ZNF333: variants seen among roughly 807,000 people sequenced by gnomAD.
ZNF333 encodes zinc finger protein 333.
A neutral mutation model predicts 76.1 loss-of-function variants in ZNF333; 61 were observed. That is an observed-to-expected ratio of 0.80 (90% confidence interval 0.65 to 0.99). ZNF333 has a LOEUF of 0.99. Ranked by LOEUF, ZNF333 falls within the 50% of genes least tolerant of loss-of-function variation. ZNF333 has a pLI of 0.00. For synonymous variants in ZNF333, 284 were observed against 305.0 expected (o/e 0.93, Z 0.72); for missense variants, 717 against 822.4 (o/e 0.87, Z 1.57).
Position 14,718,337 on chromosome 19 carries a change from C to G in ZNF333, c.1010C>G (p.Ser337Cys). 1 of 1,614,204 alleles carries G rather than the reference C, an allele frequency of 6.2e-7. No homozygotes were observed. Among genetic ancestry groups the G allele is most frequent in the African/African-American group, 1.3e-5 (1 of 75,048 alleles). The part of the protein sequence containing the change: ...QYQRIHAGEA[S>C]CECQEIRNSF... Reference sequence around the variant, plus strand: ...CAGAGAATTCATGCTGGAGAGGCATCCTGTGAATGTCAAGAGATTAGAAAT... The same window carrying G: ...CAGAGAATTCATGCTGGAGAGGCATGCTGTGAATGTCAAGAGATTAGAAAT... The change falls in exon 12 of 12, where the codon TCC becomes TGC. Residue 337 changes from serine to cysteine, a missense_variant. Ser to Cys is a moderately radical substitution (Grantham distance 112, BLOSUM62 -1). Coordinates refer to ENST00000292530, the MANE Select transcript of ZNF333 (RefSeq NM_032433.4).
intron 5 of ZNF333, among the ~76,000 whole-genome samples, chr19:14,701,293 C>G (rs1028202561): frequency 6.6e-6 from 1 of 152,156 alleles, no homozygotes; most frequent in Non-Finnish European, 1.5e-5. Context: ...CAGGAGTGCA[C>G]TGGCACGATC....
chr19:14,719,266 A>T lies in ZNF333; in HGVS notation c.1939A>T (p.Arg647Trp). 2 of 1,614,236 alleles carry T rather than the reference A, an allele frequency of 1.2e-6. No individual in the cohort carries two copies. The highest frequency in any genetic ancestry group is 3.3e-5 in the Admixed American group (2 of 60,030). The change falls in exon 12 of 12, where the codon AGG (arginine) becomes TGG (tryptophan). Residue 647 changes from arginine to tryptophan, a missense_variant. Arg to Trp is a moderately radical substitution (Grantham distance 101, BLOSUM62 -3). Coordinates refer to ENST00000292530, the MANE Select transcript of ZNF333 (RefSeq NM_032433.4). ...KRTHVGRETIRNGSLPLSMSH... is the reference protein window; with the variant it reads ...KRTHVGRETIWNGSLPLSMSH... The stretch of plus-strand genomic sequence containing the variant: ...AACCCATGTGGGAAGAGAGACCATT[A>T]GGAATGGCAGCCTGCCTTTATCCAT...
chr19:14,697,357 CTTTTTTTTTT>C (rs139125023), intron 4 of ZNF333, among the ~76,000 whole-genome samples: 12 of 90,812 alleles, frequency 1.3e-4, no homozygotes, highest in Middle Eastern at 9.4e-3. Flanking sequence ...TTTTTCTTTT[CTTTTTTTTTT>C]TTTTTTTTTT....
At chr19:14,722,090 T>C (rs2042596258), downstream of ZNF333, among the ~76,000 whole-genome samples, 1 of 152,218 alleles carries the variant, frequency 6.6e-6, no homozygotes, top group Non-Finnish European at 1.5e-5. Context: ...TGGCAACATG[T>C]GGTACTGTCA....
At chr19:14,695,996 T>C (rs1973157281) in intron 4 of ZNF333, among the ~76,000 whole-genome samples, 1 of 152,116 alleles carries the variant, frequency 6.6e-6, no homozygotes, top group Non-Finnish European at 1.5e-5. Flanking sequence ...CTGGCCAACA[T>C]GGCAAAACCC....
intron 7 of ZNF333, among the ~76,000 whole-genome samples, chr19:14,710,257 A>G (rs1223965757): frequency 6.6e-6 from 1 of 152,078 alleles, no homozygotes; most frequent in African/African-American, 2.4e-5. Context: ...ACAGAACCGC[A>G]CCCCCCAGCC....
rs1484683775 is a variant in ZNF333, at chr19:14,719,622, A to G, written c.*297A>G. The G allele has an allele frequency of 1.3e-5, 15 of 1,128,286 alleles. No homozygotes were observed. Among genetic ancestry groups the G allele is most frequent in the Non-Finnish European group, 1.6e-5 (15 of 919,100 alleles). The allele number at this position is 1,128,286 out of a possible 1,614,324, so 69.9% of individuals were successfully genotyped here. On this transcript the variant is annotated 3_prime_UTR_variant, in exon 12 of 12. Coordinates refer to ENST00000292530, the MANE Select transcript of ZNF333 (RefSeq NM_032433.4). Reference sequence around the variant, plus strand: ...CATACATGCATGTAACCACCACCCCATTCCAGATATAGAATGTTTCTATCT... The same window carrying G: ...CATACATGCATGTAACCACCACCCCGTTCCAGATATAGAATGTTTCTATCT...
chr19:14,693,536 G>A, intron 2 of ZNF333, 42 bp downstream of exon 2: 3 of 1,594,510 alleles, frequency 1.9e-6, no homozygotes, highest in South Asian at 1.1e-5. Flanking sequence ...GGGTGGATAT[G>A]TAGGATAACT....
intron 1 of ZNF333, among the ~76,000 whole-genome samples, chr19:14,692,576 G>C (rs558078491): frequency 1.3e-5 from 2 of 152,162 alleles, no homozygotes; most frequent in African/African-American, 4.8e-5. Flanking sequence ...TGCAGTGTGG[G>C]ATCTGGGCTC....
chr19:14,733,161 GGT>G (rs2042692384), exon 12 of ZNF333: 1 of 152,136 alleles, frequency 6.6e-6, no homozygotes, highest in African/African-American at 2.4e-5. Context: ...GATATTATGT[GGT>G]CTCTTGAACC....
Position 14,721,697 on chromosome 19 carries a change from G to T in ZNF333, c.*2372G>T, listed in dbSNP as rs565144734. ...ACAAACATTTGAGTTCTGTCCTCCA[G>T]GTTCATCCATGTTATCACAAATGAC... On this transcript the variant is annotated 3_prime_UTR_variant, in exon 12 of 12. Coordinates refer to ENST00000292530, the MANE Select transcript of ZNF333 (RefSeq NM_032433.4). 2 of 152,268 alleles carry T rather than the reference G, an allele frequency of 1.3e-5. No homozygotes were observed. The highest frequency in any genetic ancestry group is 4.8e-5 in the African/African-American group (2 of 41,554). 9.4% of individuals were successfully genotyped at this position (152,268 alleles called of 1,614,324 possible). A position where few individuals can be genotyped will look rare whatever the true frequency, so the allele number is the denominator to read the frequency against.
At chr19:14,706,494 T>G in intron 6 of ZNF333, 192 bp from the exon 7 acceptor site, 5 of 590,132 alleles carry the variant, frequency 8.5e-6, no homozygotes, top group East Asian at 6.2e-5. Context: ...CTCCAGGCCA[T>G]TTTGGATCAC....
At chr19:14,692,607 G>T (rs1972854868) in intron 1 of ZNF333, among the ~76,000 whole-genome samples, 1 of 152,092 alleles carries the variant, frequency 6.6e-6, no homozygotes, top group South Asian at 2.1e-4. Context: ...CCACCTCCCG[G>T]GTTCCAGCGA....
intron 7 of ZNF333, among the ~76,000 whole-genome samples, chr19:14,713,873 A>C (rs1319613554): frequency 6.6e-6 from 1 of 152,082 alleles, no homozygotes; most frequent in Non-Finnish European, 1.5e-5. Context: ...AAGTGGGAGG[A>C]TCACTTGGGC....
At chr19:14,690,996 G>A (rs1391344227) in intron 1 of ZNF333, among the ~76,000 whole-genome samples, 1 of 152,198 alleles carries the variant, frequency 6.6e-6, no homozygotes, top group Non-Finnish European at 1.5e-5. Context: ...GGGAGGCTGA[G>A]GCAGGAGAAT....
At chr19:14,696,633 A>G (rs1403135103) in intron 4 of ZNF333, among the ~76,000 whole-genome samples, 2 of 152,008 alleles carry the variant, frequency 1.3e-5, no homozygotes, top group African/African-American at 2.4e-5. Context: ...GCAAGAGAAC[A>G]AGAGAGGCCC....
chr19:14,706,639 C>T, intron 6 of ZNF333, 47 bp from the exon 7 acceptor site: 2 of 1,497,494 alleles, frequency 1.3e-6, no homozygotes, highest in Non-Finnish European at 1.9e-6. Context: ...GTGAGTGGCC[C>T]CCTCAGCTTC....
At chr19:14,715,616 G>A (rs1191438986) in intron 8 of ZNF333, 146 bp downstream of exon 8, 4 of 716,988 alleles carry the variant, frequency 5.6e-6, no homozygotes, top group Non-Finnish European at 9.4e-6. Context: ...GTCAGCAAGG[G>A]AGCATGGGCC....
At chr19:14,701,949 C>T in intron 5 of ZNF333, 1 of 971,618 alleles carries the variant, frequency 1.0e-6, no homozygotes, top group Non-Finnish European at 1.2e-6. Flanking sequence ...AGACCACAGT[C>T]TCAGCTGTCA....
Sources: gnomAD v4.1 joint callset for allele counts (sites outside exome capture counted in the v4.1 genomes callset) on GRCh38, gnomAD v4.1.1 for gene constraint, MANE v1.5 for transcripts, NCBI Gene and HGNC (gene_info 2026-07-23, HGNC 2026-07-21) for gene names.